Variants in CEP290 observed in about 807,000 individuals in gnomAD.
The protein encoded by CEP290 is centrosomal protein of 290 kDa.
Under a neutral mutation model 344.9 loss-of-function variants are expected in CEP290, and 317 were observed. The observed-to-expected ratio is 0.92, with a 90% confidence interval of 0.84 to 1.01. CEP290 has a LOEUF of 1.01. CEP290 is among the 50% of genes least tolerant of loss of function. The pLI is 0.00. For missense variants in CEP290, 2,754 were observed against 2,761.4 expected, an observed-to-expected ratio of 1.00 and a Z score of 0.06; for synonymous variants, 932 against 895.8, an observed-to-expected ratio of 1.04 and a Z score of -0.72.
At chr12:88,061,792 T>C (rs115935177) in intron 46 of CEP290, among the ~76,000 whole-genome samples, 2,307 of 152,166 alleles carry the variant, frequency 0.015, 58 homozygotes, top group African/African-American at 0.053. Flanking sequence ...TTTTTTTTGT[T>C]TTAAAAGATG....
chr12:88,102,582 A>C (rs1159716340), intron 26 of CEP290, among the ~76,000 whole-genome samples: 1 of 152,192 alleles, frequency 6.6e-6, no homozygotes, highest in African/African-American at 2.4e-5. Flanking sequence ...AAGTGACCTA[A>C]GGAGAATGAT....
chr12:88,053,687 T>C lies in CEP290; in HGVS notation c.7094A>G (p.Asn2365Ser). The C allele has an allele frequency of 1.3e-6, 2 of 1,553,962 alleles. No homozygotes were observed. The highest frequency in any genetic ancestry group is 1.7e-6 in the Non-Finnish European group (2 of 1,146,352). ...KAELIHQIEANKDQSGAESTI... is the reference protein window; with the variant it reads ...KAELIHQIEASKDQSGAESTI... ...GCTTTCAGCTCCACTTTGGTCCTTG[T>C]TAGCTTCTATCTGATGGATTAATTC... Residue 2365 changes from asparagine to serine, a missense_variant, in exon 52 of 54, where the codon AAC becomes AGC. Transcript: ENST00000552810.
Position 88,089,294 on chromosome 12 carries a change from C to A in CEP290, c.3767G>T (p.Gly1256Val). The A allele has an allele frequency of 6.2e-7, 1 of 1,613,948 alleles. No homozygotes were observed. Among genetic ancestry groups the A allele is most frequent in the African/African-American group, 1.3e-5 (1 of 75,038 alleles). Reference protein sequence around the residue: ...EQALYYARLEGRNRAKHLRQT... With the variant: ...EQALYYARLEVRNRAKHLRQT... ...GCGCAGATGTTTTGCTCTGTTTCTT[C>A]CCTCCAAACGAGCATAATAGAGAGC... The change falls in exon 31 of 54, where the codon GGA (glycine) becomes GTA (valine). Residue 1256 changes from glycine to valine, a missense_variant. Coordinates refer to ENST00000552810, the MANE Select transcript of CEP290 (RefSeq NM_025114.4).
Position 88,054,786 on chromosome 12 carries a change from G to C in CEP290, c.6961-373C>G, listed in dbSNP as rs945968010. On this transcript the variant is annotated intron_variant, in intron 50 of 53. Coordinates refer to ENST00000552810, the MANE Select transcript of CEP290 (RefSeq NM_025114.4). ...AGAGGATAAAGAGTGATGGCAAGTAGTATAGGGTTAGGGTTAGGGTTAGGG... is the reference window on the plus strand; with the variant it reads ...AGAGGATAAAGAGTGATGGCAAGTACTATAGGGTTAGGGTTAGGGTTAGGG... 2.0e-5 allele frequency among the ~76,000 whole-genome samples: 3 copies of C among 152,136 alleles called. No homozygotes were observed. In the South Asian group the frequency reaches 6.2e-4, roughly 31 times the overall value.
intron 44 of CEP290, among the ~76,000 whole-genome samples, chr12:88,067,085 G>A (rs1354603824): frequency 6.6e-6 from 1 of 152,008 alleles, no homozygotes; most frequent in African/African-American, 2.4e-5. Flanking sequence ...GATATAATTC[G>A]CTGTAGTGAG....
chr12:88,096,809 C>A, intron 27 of CEP290, 79 bp downstream of exon 27: 2 of 717,706 alleles, frequency 2.8e-6, no homozygotes, highest in Non-Finnish European at 4.5e-6. Context: ...TTTAATCTAG[C>A]ATAAAAAAGG....
intron 44 of CEP290, among the ~76,000 whole-genome samples, chr12:88,065,215 G>C (rs932276838): frequency 6.6e-6 from 1 of 151,230 alleles, no homozygotes; most frequent in Non-Finnish European, 1.5e-5. Context: ...CTATTGGCTT[G>C]ATGGGCTGTA....
chr12:88,099,686 GTAA>G (rs2037725084), intron 26 of CEP290, among the ~76,000 whole-genome samples: 1 of 151,934 alleles, frequency 6.6e-6, no homozygotes, highest in Non-Finnish European at 1.5e-5. Context: ...GCACGATAAG[GTAA>G]TAATAATATA....
chr12:88,111,332 T>C lies in CEP290; in HGVS notation c.2237A>G (p.Glu746Gly). The C allele has an allele frequency of 6.4e-7, 1 of 1,564,194 alleles. No individual in the cohort carries two copies. The highest frequency in any genetic ancestry group is 8.7e-7 in the Non-Finnish European group (1 of 1,156,040). The change falls in exon 22 of 54, where the codon GAA becomes GGA. Residue 746 changes from glutamate (E) to glycine (G), a missense_variant. By Grantham distance (98) the Glu-to-Gly change is moderately conservative. Coordinates refer to ENST00000552810, the MANE Select transcript of CEP290 (RefSeq NM_025114.4). ...ANLKIDHLEK[E>G]TSLLRQSEGS... The stretch of plus-strand genomic sequence containing the variant: ...TTCTGATTGTCGTAAAAGACTAGTT[T>C]CTTTTTCAAGATGGTCTATCTGGAA...
Position 88,135,415 on chromosome 12 carries a change from A to G in CEP290, c.441+1228T>C, listed in dbSNP as rs906953050. 6.6e-5 allele frequency among the ~76,000 whole-genome samples: 10 copies of G among 152,194 alleles called. 1 individual carries two copies. The highest frequency in any genetic ancestry group is 1.4e-4 in the African/African-American group (6 of 41,468). On this transcript the variant is annotated intron_variant, in intron 6 of 53. Transcript: ENST00000552810. ...TATATAGAAGAACAAAAGTCCAGAA[A>G]ACCACAGACATCCCCCTAAGCAATT...
In CEP290 at chr12:88,071,169, C is replaced by A. The variant is rs944707798; in HGVS notation, c.6011+125G>T. ...GTGGCATATGAAGAACCAGGAATATCTCAATTCACATGGGAAAAGAAAACA... is the reference window on the plus strand; with the variant it reads ...GTGGCATATGAAGAACCAGGAATATATCAATTCACATGGGAAAAGAAAACA... On this transcript the variant is annotated intron_variant, in intron 43 of 53. Transcript: ENST00000552810. 9 of 780,080 alleles carry A rather than the reference C, an allele frequency of 1.2e-5. 1 individual carries two copies. In the Admixed American group the frequency reaches 1.4e-4, roughly 12 times the overall value. 48.3% of individuals were successfully genotyped at this position (780,080 alleles called of 1,614,324 possible).
Position 88,125,469 on chromosome 12 carries a change from C to G in CEP290, c.1066-100G>C, listed in dbSNP as rs115931133. ...GATTTTTTTCAACAAGACTGTAGAA[C>G]ATATTTTCTTGTGGGTACAAGTATG... On this transcript the variant is annotated intron_variant, in intron 12 of 53. Transcript: ENST00000552810. 4.9e-4 allele frequency: 246 copies of G among 504,664 alleles called. 1 individual carries two copies. The highest frequency in any genetic ancestry group is 4.4e-3 in the African/African-American group (220 of 49,758). The allele number at this position is 504,664 out of a possible 1,614,324, so 31.3% of individuals were successfully genotyped here. A position where few individuals can be genotyped will look rare whatever the true frequency, so the allele number is the denominator to read the frequency against.
rs558914208 is a variant in CEP290, at chr12:88,128,934, G to GA, written c.942+11dup. The GA allele has an allele frequency of 5.3e-5, 77 of 1,465,782 alleles. No individual in the cohort carries two copies. The highest frequency in any genetic ancestry group is 1.0e-4 in the East Asian group (4 of 38,634). 90.8% of individuals were successfully genotyped at this position (1,465,782 alleles called of 1,614,324 possible). A position where few individuals can be genotyped will look rare whatever the true frequency, so the allele number is the denominator to read the frequency against. ...AAAAGAAAAAGTTATTATGTCAATT[G>GA]AAAAAAAATACCTTCCATTCTTCTA... is the stretch of plus-strand genomic sequence containing the variant. On this transcript the variant is annotated intron_variant, in intron 11 of 53. Coordinates refer to ENST00000552810, the MANE Select transcript of CEP290 (RefSeq NM_025114.4).
Position 88,136,743 on chromosome 12 carries a change from C to G in CEP290, c.341G>C (p.Arg114Pro), listed in dbSNP as rs150296134. ...TTTTTCAAGTTGGCAAATTTCATTA[C>G]GTAAAAACCGAGTATCTCGTCCACC... ...SAGGRDTRFL[R>P]NEICQLEKQL... The change falls in exon 6 of 54, where the codon CGT becomes CCT. Residue 114 changes from arginine (R) to proline (P), a missense_variant. Arg to Pro is a moderately radical substitution (Grantham distance 103). Transcript: ENST00000552810. 6.2e-7 allele frequency: 1 copy of G among 1,613,484 alleles called. No homozygotes were observed. The highest frequency in any genetic ancestry group is 1.1e-5 in the South Asian group (1 of 91,082).
rs2034204444 is a variant in CEP290 at position 88,058,602 on chromosome 12, C to T, written c.6818+246G>A. ...GACGCACACACAGCTCCAACTCCTT[C>T]GCCCAGCCCCAGCTCTACACTGTTC... is the stretch of plus-strand genomic sequence containing the variant. On this transcript the variant is annotated intron_variant, in intron 49 of 53. Transcript: ENST00000552810. 8.3e-6 allele frequency: 4 copies of T among 479,562 alleles called. No individual in the cohort carries two copies. In the East Asian group the frequency reaches 1.6e-4, roughly 20 times the overall value. 29.7% of individuals were successfully genotyped at this position (479,562 alleles called of 1,614,324 possible). A position where few individuals can be genotyped will look rare whatever the true frequency, so the allele number is the denominator to read the frequency against.
At chr12:88,053,958 T>A (rs918362460) in intron 51 of CEP290, among the ~76,000 whole-genome samples, 1 of 152,174 alleles carries the variant, frequency 6.6e-6, no homozygotes. Flanking sequence ...TCTGACCTGA[T>A]GGCATTTGCA....
At chr12:88,086,610 A>T (rs1225729577) in intron 32 of CEP290, 112 bp from the exon 33 acceptor site, 3 of 679,378 alleles carry the variant, frequency 4.4e-6, no homozygotes, top group Non-Finnish European at 6.9e-6. Context: ...AGAAACTGTA[A>T]TTATTTTCCT....
At chr12:88,085,950 T>C (rs1175627910) in intron 34 of CEP290, 89 bp downstream of exon 34, 6 of 1,170,294 alleles carry the variant, frequency 5.1e-6, no homozygotes, top group Middle Eastern at 2.5e-4. Context: ...CATCATTCTA[T>C]GCATTGCCCT....
At chr12:88,118,828 T>G in intron 15 of CEP290, 85 bp from the exon 16 acceptor site, 7 of 849,390 alleles carry the variant, frequency 8.2e-6, no homozygotes, top group Non-Finnish European at 1.2e-5. Context: ...CAACTGGTTA[T>G]AATTCACTTA....
Sources: gnomAD v4.1 joint callset for allele counts (sites outside exome capture counted in the v4.1 genomes callset) on GRCh38, gnomAD v4.1.1 for gene constraint, MANE v1.5 for transcripts, NCBI Gene and HGNC (gene_info 2026-07-23, HGNC 2026-07-21) for gene names.